Variants in GULP1 observed in about 807,000 individuals in gnomAD.
GULP1 encodes the protein GULP PTB domain containing engulfment adaptor 1.
In GULP1, 19 loss-of-function variants were observed where a neutral mutation model predicts 40.9. That is an observed-to-expected ratio of 0.46 (90% CI 0.32 to 0.68). The LOEUF (loss-of-function observed/expected upper bound fraction) is 0.68, where lower values mean the gene tolerates loss of function less well. Ranked by LOEUF, GULP1 falls within the 30% of genes least tolerant of loss-of-function variation. The pLI is 0.03. For missense variants in GULP1, 312 were observed against 362.2 expected (o/e 0.86, Z 1.12); for synonymous variants, 119 against 117.6 (o/e 1.01, Z -0.08).
chr2:188,310,220 A>G (rs932543952), intron 1 of GULP1, among the ~76,000 whole-genome samples: 9 of 152,242 alleles, frequency 5.9e-5, no homozygotes, highest in Admixed American at 3.3e-4. Flanking sequence ...AAAAGAGGAA[A>G]GGAACATGAT....
intron 1 of GULP1, among the ~76,000 whole-genome samples, chr2:188,307,664 G>A (rs1454499877): frequency 6.6e-6 from 1 of 152,052 alleles, no homozygotes; most frequent in African/African-American, 2.4e-5. Context: ...TAGTTTCCCT[G>A]GCTGTTTTGA....
At chr2:188,437,803 T>G (rs893905839) in intron 2 of GULP1, among the ~76,000 whole-genome samples, 1 of 152,142 alleles carries the variant, frequency 6.6e-6, no homozygotes, top group Non-Finnish European at 1.5e-5. Context: ...GCTGTTACCC[T>G]TAGCAAGCTA....
chr2:188,483,376 G>A (rs1446745571), intron 3 of GULP1, 55 bp from the exon 4 acceptor site: 10 of 804,528 alleles, frequency 1.2e-5, no homozygotes, highest in South Asian at 8.3e-5. Context: ...ATGGTAATGC[G>A]TGAATATGAC....
intron 2 of GULP1, among the ~76,000 whole-genome samples, chr2:188,443,475 C>T (rs1358392486): frequency 6.6e-6 from 1 of 151,842 alleles, no homozygotes; most frequent in Non-Finnish European, 1.5e-5. Context: ...TACCATTTCA[C>T]CATAAGAAAA....
rs567775289 is a variant in GULP1 at position 188,506,465 on chromosome 2, A to G, written c.91-16291A>G. 2.6e-5 allele frequency among the ~76,000 whole-genome samples: 4 copies of G among 152,082 alleles called. No homozygotes were observed. In the South Asian group the frequency reaches 8.3e-4, roughly 32 times the overall value. On this transcript the variant is annotated intron_variant, in intron 4 of 11. Coordinates refer to ENST00000409830, the MANE Select transcript of GULP1 (RefSeq NM_016315.4). ...GATACTCTTTGGCTTTTATCTATAAAATACTTTTAGTTCTCCCACTTGAAT... is the reference window on the plus strand; with the variant it reads ...GATACTCTTTGGCTTTTATCTATAAGATACTTTTAGTTCTCCCACTTGAAT...
At chr2:188,387,131 G>A (rs547985070) in intron 2 of GULP1, among the ~76,000 whole-genome samples, 2 of 152,128 alleles carry the variant, frequency 1.3e-5, no homozygotes, top group South Asian at 4.1e-4. Context: ...AGTTACTTGA[G>A]AGGCTGAGGC....
intron 7 of GULP1, among the ~76,000 whole-genome samples, chr2:188,542,296 T>C (rs1317627237): frequency 1.3e-5 from 2 of 152,138 alleles, no homozygotes; most frequent in African/African-American, 4.8e-5. Context: ...AAACAATTCA[T>C]CTGTTTGCTA....
chr2:188,420,593 G>A (rs753948259), intron 2 of GULP1, among the ~76,000 whole-genome samples: 15 of 152,158 alleles, frequency 9.9e-5, no homozygotes, highest in Non-Finnish European at 1.9e-4. Context: ...ACACCAGAGA[G>A]GGTGTAAGTC....
At chr2:188,579,347 G>A (rs981899105) in intron 9 of GULP1, among the ~76,000 whole-genome samples, 1 of 151,590 alleles carries the variant, frequency 6.6e-6, no homozygotes, top group African/African-American at 2.4e-5. Flanking sequence ...GAAAAGTTCT[G>A]GATTTTAATA....
chr2:188,406,749 C>G (rs1003947146), intron 2 of GULP1, among the ~76,000 whole-genome samples: 1 of 151,562 alleles, frequency 6.6e-6, no homozygotes, highest in African/African-American at 2.4e-5. Flanking sequence ...AACAAATGTT[C>G]AAGTTATCAG....
At chr2:188,500,737 T>A (rs750662870) in intron 4 of GULP1, among the ~76,000 whole-genome samples, 37 of 152,022 alleles carry the variant, frequency 2.4e-4, no homozygotes, top group South Asian at 6.2e-4. Flanking sequence ...GAGTCAAAAT[T>A]ATATAGTTTG....
At chr2:188,435,976 T>C (rs966374335) in intron 2 of GULP1, among the ~76,000 whole-genome samples, 7 of 152,134 alleles carry the variant, frequency 4.6e-5, no homozygotes, top group Admixed American at 4.6e-4. Flanking sequence ...TGTTAATTTC[T>C]CTTTTAATTA....
intron 4 of GULP1, among the ~76,000 whole-genome samples, chr2:188,492,301 T>C (rs2062470409): frequency 6.6e-6 from 1 of 152,098 alleles, no homozygotes; most frequent in African/African-American, 2.4e-5. Context: ...ATTATTAAAA[T>C]TTAAGCAGTA....
chr2:188,519,295 G>A (rs1481764069), intron 4 of GULP1, among the ~76,000 whole-genome samples: 1 of 152,172 alleles, frequency 6.6e-6, no homozygotes, highest in East Asian at 1.9e-4. Context: ...GCTAGAGGTT[G>A]ATTCATTTCA....
At chr2:188,569,416 A>G (rs1019241875) in intron 8 of GULP1, 61 bp downstream of exon 8, 3 of 865,696 alleles carry the variant, frequency 3.5e-6, no homozygotes, top group African/African-American at 3.3e-5. Flanking sequence ...AAACTTGCAT[A>G]TCGTCAAACA....
intron 1 of GULP1, among the ~76,000 whole-genome samples, chr2:188,327,900 A>G (rs2040985958): frequency 6.6e-6 from 1 of 152,170 alleles, no homozygotes; most frequent in African/African-American, 2.4e-5. Context: ...TGTATAATGA[A>G]GTTATTTCTG....
chr2:188,538,000 T>C (rs1156263674), intron 6 of GULP1, among the ~76,000 whole-genome samples: 8 of 152,136 alleles, frequency 5.3e-5, no homozygotes. Flanking sequence ...TCTCTGAGGA[T>C]CTTTTGTATT....
chr2:188,423,188 T>C lies in GULP1; in HGVS notation c.-45+39299T>C, dbSNP rs542375191. Among the ~76,000 whole-genome samples, 3 of 152,198 alleles carry C rather than the reference T, an allele frequency of 2.0e-5. No individual in the cohort carries two copies. The South Asian group carries it at 6.2e-4, about 31-fold the overall frequency. ...TAAATAATCACATCTTTCTTTTCTG[T>C]TGCACCACACTCAAAATAGCTTAGT... On this transcript the variant is annotated intron_variant, in intron 2 of 11. Coordinates refer to ENST00000409830, the MANE Select transcript of GULP1 (RefSeq NM_016315.4).
intron 1 of GULP1, among the ~76,000 whole-genome samples, chr2:188,358,589 T>G (rs1212799009): frequency 5.9e-5 from 9 of 152,128 alleles, no homozygotes; most frequent in Admixed American, 3.9e-4. Flanking sequence ...GTATCATGTA[T>G]TGAAATAGCA....
Sources: allele counts gnomAD v4.1 joint callset (sites outside exome capture counted in the v4.1 genomes callset), GRCh38; gene constraint gnomAD v4.1.1; transcripts MANE v1.5; gene names NCBI Gene and HGNC (gene_info 2026-07-23, HGNC 2026-07-21).